Variants in PAIP1 observed in about 807,000 individuals in gnomAD.
PAIP1 encodes polyadenylate-binding protein-interacting protein 1.
PAIP1 carries 16 observed loss-of-function variants against 61.3 expected under a neutral mutation model. The ratio of observed to expected loss-of-function variants is 0.26; its 90% confidence interval spans 0.18 to 0.40. The LOEUF is 0.40. PAIP1 is among the 10% of genes least tolerant of loss of function. The probability of loss-of-function intolerance (pLI) is 1.00; values close to 1 mark genes in which losing one functional copy is unlikely to be tolerated. For missense variants in PAIP1, 416 were observed against 600.9 expected (o/e 0.69, Z 3.22); for synonymous variants, 187 against 226.2 (o/e 0.83, Z 1.56).
At chr5:43,535,353 C>T (rs966600838) in intron 7 of PAIP1, among the ~76,000 whole-genome samples, 181 bp downstream of exon 7, 2 of 152,144 alleles carry the variant, frequency 1.3e-5, no homozygotes, top group African/African-American at 4.8e-5. Flanking sequence ...ACACGTCTAT[C>T]ACAAAAATGT....
chr5:43,556,504 GTCGGGCC>G (rs1419981053), intron 1 of PAIP1, 71 bp downstream of exon 1: 5 of 1,213,550 alleles, frequency 4.1e-6, no homozygotes, highest in Non-Finnish European at 5.2e-6. Flanking sequence ...CAGACAGCGC[GTCGGGCC>G]TCGGCACGCG....
At chr5:43,529,739 A>T in intron 10 of PAIP1, 47 bp downstream of exon 10, 1 of 981,942 alleles carries the variant, frequency 1.0e-6, no homozygotes. Context: ...TCCACCTATA[A>T]ATTAGACACA....
intron 2 of PAIP1, among the ~76,000 whole-genome samples, chr5:43,552,771 A>C (rs1197773727): frequency 1.3e-5 from 2 of 152,240 alleles, no homozygotes; most frequent in Non-Finnish European, 2.9e-5. Context: ...AGCTTCTGAT[A>C]GACTAAAAAG....
chr5:43,531,223 A>G (rs1459684058), intron 9 of PAIP1, among the ~76,000 whole-genome samples: 1 of 151,998 alleles, frequency 6.6e-6, no homozygotes, highest in Non-Finnish European at 1.5e-5. Flanking sequence ...AATTTGTCCA[A>G]GTCAGTGATA....
intron 2 of PAIP1, among the ~76,000 whole-genome samples, chr5:43,551,442 T>A (rs182889660): frequency 2.0e-5 from 3 of 152,198 alleles, no homozygotes; most frequent in African/African-American, 4.8e-5. Context: ...ACCTCTAGAG[T>A]GAGAAAATGT....
chr5:43,549,750 C>T lies in PAIP1; in HGVS notation c.436-1837G>A, dbSNP rs528339815. On this transcript the variant is annotated intron_variant, in intron 2 of 10. Transcript: ENST00000306846. ...TATTTTTATTTTTGAGATGGAGTCT[C>T]GCTCTGTCACCCAGGCTGGAGTACA... is the stretch of plus-strand genomic sequence containing the variant. Among the ~76,000 whole-genome samples the T allele has an allele frequency of 2.1e-3, 318 of 150,162 alleles. 1 individual carries two copies. Among genetic ancestry groups the T allele is most frequent in the African/African-American group, 6.1e-3 (245 of 39,932 alleles).
intron 3 of PAIP1, 33 bp downstream of exon 3, chr5:43,547,695 C>G (rs1747694571): frequency 1.1e-5 from 16 of 1,458,178 alleles, no homozygotes; most frequent in African/African-American, 1.4e-5. Flanking sequence ...AGGAAGCTAT[C>G]TGAAGGTCAC....
At chr5:43,556,316 G>A (rs2111614661) in intron 1 of PAIP1, 28 of 1,237,418 alleles carry the variant, frequency 2.3e-5, no homozygotes, top group South Asian at 3.9e-5. Flanking sequence ...GCTGAGGGGA[G>A]GCGATTTTTA....
chr5:43,542,768 TAA>T (rs1312802171), intron 4 of PAIP1, among the ~76,000 whole-genome samples: 5 of 152,184 alleles, frequency 3.3e-5, no homozygotes, highest in African/African-American at 1.2e-4. Context: ...AAGAATTACA[TAA>T]GTGTTTATTT....
Position 43,556,704 on chromosome 5 carries a change from G to C in PAIP1, c.143C>G (p.Pro48Arg). The stretch of plus-strand genomic sequence containing the variant: ...TGGCTGCAGGAAGCCCGGGGCTTTG[G>C]GTTGCGGCGGCTGGTGCCGCGCCCG... The part of the protein sequence containing the change: ...AERARHQPPQ[P>R]KAPGFLQPPP... The change falls in exon 1 of 11, where the codon CCC becomes CGC. Residue 48 changes from proline to arginine, a missense_variant. This residue lies in a region of PAIP1 where 97 missense variants were observed against 89.5 expected (regional missense o/e 1.08). Coordinates refer to ENST00000306846, the MANE Select transcript of PAIP1 (RefSeq NM_006451.5). 2 of 1,330,130 alleles carry C rather than the reference G, an allele frequency of 1.5e-6. No individual in the cohort carries two copies. The highest frequency in any genetic ancestry group is 9.6e-7 in the Non-Finnish European group (1 of 1,045,030). The allele number at this position is 1,330,130 out of a possible 1,614,324, so 82.4% of individuals were successfully genotyped here. A position where few individuals can be genotyped will look rare whatever the true frequency, so the allele number is the denominator to read the frequency against.
At chr5:43,537,865 G>A (rs1026929111) in intron 5 of PAIP1, among the ~76,000 whole-genome samples, 12 of 151,772 alleles carry the variant, frequency 7.9e-5, no homozygotes, top group Admixed American at 7.2e-4. Flanking sequence ...ATAGTGGTAC[G>A]TGCCTGTAAT....
chr5:43,538,364 AT>A (rs1747241221), intron 5 of PAIP1, among the ~76,000 whole-genome samples: 1 of 152,132 alleles, frequency 6.6e-6, no homozygotes, highest in African/African-American at 2.4e-5. Context: ...ACAAAAAAGT[AT>A]GTCAAGTAAT....
chr5:43,542,138 T>C (rs1283293402), intron 4 of PAIP1, among the ~76,000 whole-genome samples: 1 of 147,574 alleles, frequency 6.8e-6, no homozygotes, highest in Non-Finnish European at 1.5e-5. Flanking sequence ...ACTGAGCCAC[T>C]GCACTCCAGC....
chr5:43,552,786 C>CT (rs1747914252), intron 2 of PAIP1, among the ~76,000 whole-genome samples: 1 of 152,056 alleles, frequency 6.6e-6, no homozygotes, highest in Non-Finnish European at 1.5e-5. Context: ...AAAAAGGTAC[C>CT]TTTGCACCTA....
intron 3 of PAIP1, among the ~76,000 whole-genome samples, chr5:43,546,001 G>A (rs1480817971): frequency 1.3e-5 from 2 of 152,008 alleles, no homozygotes; most frequent in African/African-American, 4.8e-5. Flanking sequence ...TTGAACTCCT[G>A]ACCTCAGGTG....
rs1748125143 is a variant in PAIP1 at position 43,556,981 on chromosome 5, C to G, written c.-135G>C. 8.1e-7 allele frequency: 1 copy of G among 1,236,446 alleles called. No individual in the cohort carries two copies. The allele number at this position is 1,236,446 out of a possible 1,614,324, so 76.6% of individuals were successfully genotyped here. A position where few individuals can be genotyped will look rare whatever the true frequency, so the allele number is the denominator to read the frequency against. ...CTCATGGAGGAGGAGGGCGGCGGGC[C>G]CCGGCTCGGCTGCTCGGTGCTTCTG... On this transcript the variant is annotated 5_prime_UTR_variant, in exon 1 of 11. Coordinates refer to ENST00000306846, the MANE Select transcript of PAIP1 (RefSeq NM_006451.5).
At chr5:43,538,876 T>G (rs767511103) in intron 5 of PAIP1, 48 bp downstream of exon 5, 1 of 909,178 alleles carries the variant, frequency 1.1e-6, no homozygotes, top group Non-Finnish European at 1.8e-6. Flanking sequence ...TGAGATCAAC[T>G]TATGTTCTCA....
At position 43,548,586 on chromosome 5, in the gene PAIP1, C is replaced by T. The variant is rs115378923; in HGVS notation, c.436-673G>A. 9.6e-3 allele frequency among the ~76,000 whole-genome samples: 1,457 copies of T among 152,252 alleles called. 19 individuals carry two copies. Among genetic ancestry groups the T allele is most frequent in the African/African-American group, 0.034 (1,401 of 41,544 alleles). On this transcript the variant is annotated intron_variant, in intron 2 of 10. Transcript: ENST00000306846. ...CAGTAGTTTCCAGCTAATGTTGTTT[C>T]CACCACTGTCACCTTTGGCAGTTTC...
Position 43,529,799 on chromosome 5 carries a change from C to T in PAIP1, c.1333G>A (p.Gly445Arg), listed in dbSNP as rs1379342059. Residue 445 changes from glycine to arginine, a missense_variant, in exon 10 of 11, where the codon GGG (glycine) becomes AGG (arginine). Physicochemically the swap from Gly to Arg is moderately radical, Grantham distance 125. This residue lies in a region of PAIP1 where 135 missense variants were observed against 283.9 expected (regional missense o/e 0.48). Coordinates refer to ENST00000306846, the MANE Select transcript of PAIP1 (RefSeq NM_006451.5). ...AAGAAAACTTACGGATCACCAGCCC[C>T]GGATAAATCTGTTCCATTTTCTTCA... is the stretch of plus-strand genomic sequence containing the variant. ...DYEENGTDLS[G>R]AGDPYLDDID... is the part of the protein sequence containing the mutation. The T allele has an allele frequency of 9.0e-6, 14 of 1,549,430 alleles. No homozygotes were observed. The highest frequency in any genetic ancestry group is 4.1e-5 in the African/African-American group (3 of 73,554).
Sources: allele counts gnomAD v4.1 joint callset (sites outside exome capture counted in the v4.1 genomes callset), GRCh38; gene constraint gnomAD v4.1.1; regional missense constraint gnomAD v4.1.1; transcripts MANE v1.5; gene names NCBI Gene and HGNC (gene_info 2026-07-23, HGNC 2026-07-21).